Variants in CLIP1 observed in about 807,000 individuals in gnomAD.
CLIP1 encodes the protein CAP-Gly domain containing linker protein 1, also known as CAP-Gly domain-containing linker protein 1.
Under a neutral mutation model 161.6 loss-of-function variants are expected in CLIP1, and 66 were observed. That is an observed-to-expected ratio of 0.41 (90% CI 0.33 to 0.50). CLIP1 has a LOEUF of 0.50. Among genes scored for constraint, CLIP1 ranks in the 20% least tolerant of loss-of-function variants. CLIP1 has a pLI of 0.27. For missense variants in CLIP1, 1,376 were observed against 1,702.0 expected (o/e 0.81, Z 3.37); for synonymous variants, 598 against 626.2 (o/e 0.96, Z 0.67).
At chr12:122,320,874 T>TA (rs1951473053) in intron 17 of CLIP1, among the ~76,000 whole-genome samples, 2 of 151,202 alleles carry the variant, frequency 1.3e-5, no homozygotes, top group African/African-American at 4.9e-5. Context: ...CACACCGGGC[T>TA]AATTTTTGTA....
chr12:122,370,486 T>TTTTCTCTAGGC (rs1169551285), intron 3 of CLIP1, among the ~76,000 whole-genome samples: 1 of 152,152 alleles, frequency 6.6e-6, no homozygotes, highest in Non-Finnish European at 1.5e-5. Flanking sequence ...AGCCATCATA[T>TTTTCTCTAGGC]TTTCTCTAGG....
intron 1 of CLIP1, among the ~76,000 whole-genome samples, chr12:122,390,915 C>G (rs1357255310): frequency 6.6e-6 from 1 of 152,120 alleles, no homozygotes; most frequent in East Asian, 1.9e-4. Context: ...TACTTCAAAG[C>G]CCCAACTACG....
At chr12:122,352,704 A>G (rs1953099561) in intron 8 of CLIP1, 22 bp downstream of exon 8, 4 of 1,603,968 alleles carry the variant, frequency 2.5e-6, no homozygotes, top group Non-Finnish European at 3.4e-6. Context: ...TAAAAGCTGT[A>G]AGAGAGCTGG....
At chr12:122,285,520 C>T (rs1955814074) in intron 21 of CLIP1, among the ~76,000 whole-genome samples, 3 of 152,134 alleles carry the variant, frequency 2.0e-5, no homozygotes, top group Non-Finnish European at 2.9e-5. Context: ...GTGTAAGCCA[C>T]GGTGCCCGGC....
chr12:122,357,571 C>G (rs1470376200), intron 5 of CLIP1, among the ~76,000 whole-genome samples: 59 of 144,394 alleles, frequency 4.1e-4, no homozygotes, highest in Middle Eastern at 3.9e-3. Flanking sequence ...GGGGTCAGCC[C>G]CCCCCGCCCG....
At chr12:122,288,376 G>A in intron 21 of CLIP1, 113 bp downstream of exon 21, 1 of 889,958 alleles carries the variant, frequency 1.1e-6, no homozygotes, top group South Asian at 1.7e-5. Context: ...CTATCACAAT[G>A]CCATTTTCTG....
At chr12:122,346,435 G>C (rs917984570) in intron 10 of CLIP1, among the ~76,000 whole-genome samples, 1 of 152,172 alleles carries the variant, frequency 6.6e-6, no homozygotes, top group Non-Finnish European at 1.5e-5. Context: ...AGCACAATGA[G>C]CTCAGGGCAG....
chr12:122,274,422 G>C (rs181706718), intron 24 of CLIP1: 2 of 299,600 alleles, frequency 6.7e-6, no homozygotes, highest in East Asian at 6.0e-5. Flanking sequence ...ACACCTTTCA[G>C]ATTTCTTCAA....
At position 122,297,431 on chromosome 12, in the gene CLIP1, G is replaced by A. The variant is rs147792767; in HGVS notation, c.3595-8890C>T. Among the ~76,000 whole-genome samples, 478 of 152,268 alleles carry A rather than the reference G, an allele frequency of 3.1e-3. 5 individuals carry two copies. The highest frequency in any genetic ancestry group is 2.0e-3 in the Non-Finnish European group (133 of 68,020). On this transcript the variant is annotated intron_variant, in intron 20 of 25. Transcript: ENST00000620786. ...CACACAGTAGGCACTCAATAACCAC[G>A]CACTGTGTGAACGAATGTGTCATAG...
chr12:122,294,843 T>C (rs943890444), intron 20 of CLIP1, among the ~76,000 whole-genome samples: 2 of 152,020 alleles, frequency 1.3e-5, no homozygotes, highest in African/African-American at 4.8e-5. Flanking sequence ...GGTCAGGAGA[T>C]AGAGACTCCA....
At chr12:122,330,058 G>A (rs181280917) in intron 15 of CLIP1, among the ~76,000 whole-genome samples, 26 of 151,906 alleles carry the variant, frequency 1.7e-4, no homozygotes, top group East Asian at 7.8e-4. Flanking sequence ...TGGAGGTTGC[G>A]GTGACCCAAG....
intron 11 of CLIP1, among the ~76,000 whole-genome samples, chr12:122,340,310 C>T (rs538084107): frequency 1.3e-5 from 2 of 152,238 alleles, no homozygotes; most frequent in African/African-American, 4.8e-5. Flanking sequence ...GAACTCCTGA[C>T]CTCAGGTGAT....
At chr12:122,418,876 AG>A (rs552191317) in intron 1 of CLIP1, among the ~76,000 whole-genome samples, 21 of 152,372 alleles carry the variant, frequency 1.4e-4, no homozygotes, top group South Asian at 2.1e-4. Context: ...CTCTCAGAGA[AG>A]AAAGAAGCTG....
chr12:122,390,284 A>ATATG (rs1955583048), intron 1 of CLIP1, among the ~76,000 whole-genome samples: 2 of 124,302 alleles, frequency 1.6e-5, no homozygotes, highest in African/African-American at 3.2e-5. Context: ...ATATACATAT[A>ATATG]TATATATATA....
At chr12:122,286,182 G>A (rs868832844) in intron 21 of CLIP1, among the ~76,000 whole-genome samples, 18 of 152,234 alleles carry the variant, frequency 1.2e-4, no homozygotes, top group Middle Eastern at 3.4e-3. Context: ...GCTTGGCACC[G>A]TGTAAAGCAC....
At position 122,351,093 on chromosome 12, in the gene CLIP1, A is replaced by C. The variant is rs1235240761; in HGVS notation, c.1401+18T>G. ...TTGTTAACAAGGGAAATATCCACACAGTTAAGTGCCCTCTTACATTCTCAG... is the reference window on the plus strand; with the variant it reads ...TTGTTAACAAGGGAAATATCCACACCGTTAAGTGCCCTCTTACATTCTCAG... On this transcript the variant is annotated intron_variant, in intron 9 of 25. Coordinates refer to ENST00000620786, the MANE Select transcript of CLIP1 (RefSeq NM_001247997.2). The C allele has an allele frequency of 7.8e-6, 12 of 1,536,230 alleles. No individual in the cohort carries two copies. The highest frequency in any genetic ancestry group is 8.8e-6 in the Non-Finnish European group (10 of 1,142,038).
At chr12:122,415,051 C>CT (rs1956688061) in intron 1 of CLIP1, among the ~76,000 whole-genome samples, 1 of 151,882 alleles carries the variant, frequency 6.6e-6, no homozygotes, top group Non-Finnish European at 1.5e-5. Context: ...GAGTGAGACT[C>CT]TGTCTCAAAA....
chr12:122,292,377 A>G (rs146630880), intron 20 of CLIP1, among the ~76,000 whole-genome samples: 1 of 152,034 alleles, frequency 6.6e-6, no homozygotes, highest in African/African-American at 2.4e-5. Flanking sequence ...TTATATCTCT[A>G]TTTATTTTGA....
At position 122,279,692 on chromosome 12, in the gene CLIP1, A is replaced by T. The variant is rs1021541964; in HGVS notation, c.3648-547T>A. 2.0e-5 allele frequency: 3 copies of T among 152,224 alleles called. No individual in the cohort carries two copies. The highest frequency in any genetic ancestry group is 4.4e-5 in the Non-Finnish European group (3 of 68,046). 9.4% of individuals were successfully genotyped at this position (152,224 alleles called of 1,614,324 possible). ...GTTATGGGCCAAAACAGTAGTAAAG[A>T]TTATTATTATTACTCAAACTGAAGG... On this transcript the variant is annotated intron_variant, in intron 21 of 25. Transcript: ENST00000620786. The surrounding 1 kb of genome is among the most constrained non-coding windows in gnomAD (Gnocchi z 4.5).
Sources: gnomAD v4.1 joint callset for allele counts (sites outside exome capture counted in the v4.1 genomes callset) on GRCh38, gnomAD v4.1.1 for gene constraint, Gnocchi (gnomAD v3.1) non-coding constraint, MANE v1.5 for transcripts, NCBI Gene and HGNC (gene_info 2026-07-23, HGNC 2026-07-21) for gene names.